SPMIP7: variants seen among roughly 807,000 people sequenced by gnomAD.
SPMIP7 encodes the protein sperm microtubule inner protein 7.
At chr7:50,150,011 C>T in the SPMIP7 span, among the ~76,000 whole-genome samples, 1 of 152,150 alleles carries the variant, frequency 6.6e-6, no homozygotes, top group Admixed American at 6.6e-5. Context: ...ACTGAATCTT[C>T]CTCCCAACCC....
At chr7:50,096,503 C>T in the SPMIP7 span, 4 of 1,551,666 alleles carry the variant, frequency 2.6e-6, no homozygotes, top group Admixed American at 2.0e-5. Flanking sequence ...GAAACCTCAA[C>T]ATCGAGTTCC....
the SPMIP7 span, among the ~76,000 whole-genome samples, chr7:50,119,725 T>TA: frequency 6.6e-6 from 1 of 152,134 alleles, no homozygotes; most frequent in East Asian, 1.9e-4. Context: ...CTACTAAATA[T>TA]AAAAAACCTA....
the SPMIP7 span, among the ~76,000 whole-genome samples, chr7:50,153,754 G>C: frequency 2.0e-5 from 3 of 152,172 alleles, no homozygotes; most frequent in African/African-American, 7.2e-5. Context: ...TGACTTGAAG[G>C]AGTGGGGCTT....
the SPMIP7 span, among the ~76,000 whole-genome samples, chr7:50,149,496 C>G: frequency 6.6e-6 from 1 of 152,216 alleles, no homozygotes; most frequent in Non-Finnish European, 1.5e-5. Context: ...GCTTTCTTCA[C>G]TGGAGTAAAA....
At chr7:50,144,616 T>C in the SPMIP7 span, among the ~76,000 whole-genome samples, 1 of 152,188 alleles carries the variant, frequency 6.6e-6, no homozygotes, top group Non-Finnish European at 1.5e-5. Flanking sequence ...AAAATGAAAT[T>C]GTTGCCTGAG....
At chr7:50,117,957 T>G in the SPMIP7 span, among the ~76,000 whole-genome samples, 1 of 152,194 alleles carries the variant, frequency 6.6e-6, no homozygotes, top group Non-Finnish European at 1.5e-5. Flanking sequence ...CATCACGAAC[T>G]GCCATTATTA....
At chr7:50,145,558 A>G in the SPMIP7 span, among the ~76,000 whole-genome samples, 1 of 96,672 alleles carries the variant, frequency 1.0e-5, no homozygotes, top group Non-Finnish European at 2.0e-5. Flanking sequence ...TTATATATAC[A>G]TATATATATA....
chr7:50,114,236 T>C, the SPMIP7 span, among the ~76,000 whole-genome samples: 1 of 152,100 alleles, frequency 6.6e-6, no homozygotes, highest in African/African-American at 2.4e-5. Context: ...ATGGTAAACA[T>C]ATGGGTAAAT....
At chr7:50,123,574 TA>T in the SPMIP7 span, among the ~76,000 whole-genome samples, 3 of 148,900 alleles carry the variant, frequency 2.0e-5, no homozygotes, top group Admixed American at 1.3e-4. Context: ...TAATAATAAA[TA>T]AATAAATAAA....
the SPMIP7 span, among the ~76,000 whole-genome samples, chr7:50,156,133 C>G: frequency 6.6e-6 from 1 of 152,306 alleles, no homozygotes; most frequent in East Asian, 1.9e-4. Context: ...ACTCACTGTG[C>G]TTTCATAAGG....
the SPMIP7 span, among the ~76,000 whole-genome samples, chr7:50,137,411 C>T: frequency 6.6e-6 from 1 of 151,998 alleles, no homozygotes; most frequent in Non-Finnish European, 1.5e-5. Flanking sequence ...AATGGATGTG[C>T]CAAAAATTAT....
chr7:50,151,825 G>C, the SPMIP7 span, among the ~76,000 whole-genome samples: 1 of 152,084 alleles, frequency 6.6e-6, no homozygotes, highest in Non-Finnish European at 1.5e-5. Context: ...TACGAATGTG[G>C]CCAAAAGGGG....
chr7:50,148,895 C>T, the SPMIP7 span, among the ~76,000 whole-genome samples: 1 of 152,274 alleles, frequency 6.6e-6, no homozygotes, highest in Admixed American at 6.5e-5. Flanking sequence ...GTCTGTAATC[C>T]CAGCACTTTG....
chr7:50,096,857 G>T, the SPMIP7 span, among the ~76,000 whole-genome samples: 1 of 152,140 alleles, frequency 6.6e-6, no homozygotes, highest in Non-Finnish European at 1.5e-5. Context: ...ATTCATTAGT[G>T]ATTAACACAA....
the SPMIP7 span, chr7:50,096,111 CT>C: frequency 5.3e-6 from 8 of 1,515,042 alleles, no homozygotes; most frequent in South Asian, 7.7e-5. Flanking sequence ...CAGGACACAC[CT>C]GGAAAGATAA....
At chr7:50,129,002 T>C in the SPMIP7 span, among the ~76,000 whole-genome samples, 1 of 151,866 alleles carries the variant, frequency 6.6e-6, no homozygotes, top group Admixed American at 6.6e-5. Context: ...AAAGCAACAA[T>C]ACATCCTCGA....
the SPMIP7 span, among the ~76,000 whole-genome samples, chr7:50,125,107 TATATATATAC>T: frequency 3.4e-5 from 3 of 87,880 alleles, 1 homozygote; most frequent in East Asian, 1.2e-3. Context: ...TATATATATA[TATATATATAC>T]ACACACACAC....
chr7:50,101,833 C>T, the SPMIP7 span, among the ~76,000 whole-genome samples: 1 of 152,158 alleles, frequency 6.6e-6, no homozygotes, highest in African/African-American at 2.4e-5. Context: ...ACTGAAATGA[C>T]CATGGGATTC....
the SPMIP7 span, among the ~76,000 whole-genome samples, chr7:50,149,338 C>A: frequency 0.45 from 68,883 of 151,994 alleles, 15,983 homozygotes; most frequent in East Asian, 0.73. Context: ...TACTGTATTT[C>A]AACTGAAATT....
Sources: gnomAD v4.1 joint callset for allele counts (sites outside exome capture counted in the v4.1 genomes callset) on GRCh38, gnomAD v4.1.1 for gene constraint, MANE v1.5 for transcripts, NCBI Gene and HGNC (gene_info 2026-07-23, HGNC 2026-07-21) for gene names.